The following BRIP1 variants were observed in gnomAD, a reference collection of about 807,000 sequenced individuals.
BRIP1 encodes the protein Fanconi anemia group J protein.
A neutral mutation model predicts 119.7 loss-of-function variants in BRIP1; 88 were observed. That is an observed-to-expected ratio of 0.74 (90% CI 0.62 to 0.88). The LOEUF is 0.88. Among genes scored for constraint, BRIP1 ranks in the 40% least tolerant of loss-of-function variants. BRIP1 has a pLI of 0.00. For missense variants in BRIP1, 1,259 were observed against 1,455.4 expected, an observed-to-expected ratio of 0.87 and a Z score of 2.20; for synonymous variants, 443 against 496.5, an observed-to-expected ratio of 0.89 and a Z score of 1.43.
Position 61,787,110 on chromosome 17 carries a change from TTAATATA to T in BRIP1, c.1474-2693_1474-2687del, listed in dbSNP as rs1395993086. On this transcript the variant is annotated intron_variant, in intron 10 of 19. Transcript: ENST00000259008. ...GCATGTTTATGTATTAATAAATATA[TTAATATA>T]TAATATATTATATACTATATAAAAT... Among the ~76,000 whole-genome samples the T allele has an allele frequency of 2.7e-5, 3 of 111,174 alleles. No individual in the cohort carries two copies. In the Admixed American group the frequency reaches 3.5e-4, roughly 13 times the overall value. The allele number at this position is 111,174 out of a possible 152,430, so 72.9% of individuals were successfully genotyped here. A position where few individuals can be genotyped will look rare whatever the true frequency, so the allele number is the denominator to read the frequency against.
At chr17:61,787,393 T>TATATTTATATAAAATATTTATATAAA (rs11274862) in intron 10 of BRIP1, among the ~76,000 whole-genome samples, 1 of 117,722 alleles carries the variant, frequency 8.5e-6, no homozygotes, top group African/African-American at 3.2e-5. Flanking sequence ...ATATATAGTA[T>TATATTTATATAAAATATTTATATAAA]ATATATTTAT....
Position 61,690,907 on chromosome 17 carries a change from G to A in BRIP1, c.2575+2523C>T, listed in dbSNP as rs1002304417. Among the ~76,000 whole-genome samples, 6 of 152,022 alleles carry A rather than the reference G, an allele frequency of 3.9e-5. No individual in the cohort carries two copies. Among genetic ancestry groups the A allele is most frequent in the Non-Finnish European group, 2.9e-5 (2 of 68,020 alleles). On this transcript the variant is annotated intron_variant, in intron 18 of 19. Transcript: ENST00000259008. The surrounding 1 kb of genome is among the most constrained non-coding windows in gnomAD (Gnocchi z 5.6). ...TATACACTAAAAACAACCAAAAGAG[G>A]AATGTAAGAAAACAATCCCATTTAT...
At chr17:61,791,233 G>A (rs1028899715) in intron 10 of BRIP1, among the ~76,000 whole-genome samples, 2 of 151,848 alleles carry the variant, frequency 1.3e-5, no homozygotes, top group Admixed American at 6.6e-5. Context: ...TCACACCTGT[G>A]AGCCCAGCAC....
At position 61,768,689 on chromosome 17, in the gene BRIP1, T is replaced by G. The variant is rs938840978; in HGVS notation, c.2097+7712A>C. 2.6e-5 allele frequency among the ~76,000 whole-genome samples: 4 copies of G among 152,180 alleles called. No individual in the cohort carries two copies. The highest frequency in any genetic ancestry group is 9.7e-5 in the African/African-American group (4 of 41,426). On this transcript the variant is annotated intron_variant, in intron 14 of 19. Transcript: ENST00000259008. This position sits in a 1 kb window ranked among gnomAD's most constrained non-coding sequence, Gnocchi z 5.0. ...AAAAAGTTTATGATAGCCCCTAAGA[T>G]TCCTACTCCCTATATACAACCTGCA...
Position 61,794,632 on chromosome 17 carries a change from C to T in BRIP1, c.1341-903G>A, listed in dbSNP as rs935500045. ...TGAAATAATATGTACAACAAACCCCCATAACATGTTTACCTGTATAACAAA... is the reference window on the plus strand; with the variant it reads ...TGAAATAATATGTACAACAAACCCCTATAACATGTTTACCTGTATAACAAA... On this transcript the variant is annotated intron_variant, in intron 9 of 19. Coordinates refer to ENST00000259008, the MANE Select transcript of BRIP1 (RefSeq NM_032043.3). This position sits in a 1 kb window ranked among gnomAD's most constrained non-coding sequence, Gnocchi z 4.3. 1.3e-5 allele frequency among the ~76,000 whole-genome samples: 2 copies of T among 150,542 alleles called. No homozygotes were observed. Among genetic ancestry groups the T allele is most frequent in the African/African-American group, 2.4e-5 (1 of 40,848 alleles).
In BRIP1 at chr17:61,759,818, G is replaced by C. The variant is rs1432130479; in HGVS notation, c.2098-15227C>G. 6.6e-6 allele frequency among the ~76,000 whole-genome samples: 1 copy of C among 151,310 alleles called. No homozygotes were observed. Among genetic ancestry groups the C allele is most frequent in the Non-Finnish European group, 1.5e-5 (1 of 67,848 alleles). On this transcript the variant is annotated intron_variant, in intron 14 of 19. Coordinates refer to ENST00000259008, the MANE Select transcript of BRIP1 (RefSeq NM_032043.3). This position sits in a 1 kb window ranked among gnomAD's most constrained non-coding sequence, Gnocchi z 4.9. ...ATGCTGACACAGAGACATGAAGTGA[G>C]TACATAGTATTGGAAAAATGGTGAC...
intron 17 of BRIP1, among the ~76,000 whole-genome samples, chr17:61,707,164 A>G (rs2061702411): frequency 6.6e-6 from 1 of 152,186 alleles, no homozygotes; most frequent in Admixed American, 6.5e-5. Flanking sequence ...AGTTTGGCTC[A>G]TGTAGAACTT....
At chr17:61,817,465 C>T (rs934571548) in intron 6 of BRIP1, among the ~76,000 whole-genome samples, 2 of 152,030 alleles carry the variant, frequency 1.3e-5, no homozygotes, top group African/African-American at 4.8e-5. Flanking sequence ...CACATATTAA[C>T]CAAAATGCTA....
chr17:61,786,860 C>T (rs2077720284), intron 10 of BRIP1, among the ~76,000 whole-genome samples: 2 of 113,648 alleles, frequency 1.8e-5, no homozygotes, highest in South Asian at 2.6e-4. Flanking sequence ...AATATATATT[C>T]ATATATGTAT....
rs1021571039 is a variant in BRIP1 at position 61,722,966 on chromosome 17, C to A, written c.2380-6903G>T. ...AAAAACTCCCAAACAAAAAACAAAA[C>A]CCTGAAATGAACTGTATATAAAGGT... On this transcript the variant is annotated intron_variant, in intron 16 of 19. Coordinates refer to ENST00000259008, the MANE Select transcript of BRIP1 (RefSeq NM_032043.3). This position sits in a 1 kb window ranked among gnomAD's most constrained non-coding sequence, Gnocchi z 4.6. Among the ~76,000 whole-genome samples the A allele has an allele frequency of 2.0e-5, 3 of 152,000 alleles. No homozygotes were observed. The highest frequency in any genetic ancestry group is 7.2e-5 in the African/African-American group (3 of 41,412).
In BRIP1 at chr17:61,687,302, C is replaced by T. The variant is rs1379421782; in HGVS notation, c.2576-1137G>A. ...ACTATATTTACCTCTTCATTTCAAC[C>T]TTTTTATAATCAAAGAAAGCCTTTT... On this transcript the variant is annotated intron_variant, in intron 18 of 19. Coordinates refer to ENST00000259008, the MANE Select transcript of BRIP1 (RefSeq NM_032043.3). The surrounding 1 kb of genome is among the most constrained non-coding windows in gnomAD (Gnocchi z 5.1). Among the ~76,000 whole-genome samples the T allele has an allele frequency of 6.6e-6, 1 of 152,016 alleles. No individual in the cohort carries two copies. Among genetic ancestry groups the T allele is most frequent in the Non-Finnish European group, 1.5e-5 (1 of 67,996 alleles).
intron 16 of BRIP1, among the ~76,000 whole-genome samples, chr17:61,718,893 T>C (rs966304888): frequency 6.6e-6 from 1 of 152,208 alleles, no homozygotes; most frequent in Non-Finnish European, 1.5e-5. Flanking sequence ...TCCTCCTTTA[T>C]ACTTTAAATA....
At chr17:61,836,024 G>A (rs1389163274) in intron 6 of BRIP1, among the ~76,000 whole-genome samples, 1 of 151,906 alleles carries the variant, frequency 6.6e-6, no homozygotes, top group Non-Finnish European at 1.5e-5. Flanking sequence ...AAGGGAGATG[G>A]GGTTAACATA....
In BRIP1 at chr17:61,720,591, G is replaced by T. The variant is rs2144454920; in HGVS notation, c.2380-4528C>A. On this transcript the variant is annotated intron_variant, in intron 16 of 19. Coordinates refer to ENST00000259008, the MANE Select transcript of BRIP1 (RefSeq NM_032043.3). The surrounding 1 kb of genome is among the most constrained non-coding windows in gnomAD (Gnocchi z 4.3). ...AATTGCCCACTGTTCTGAGTAGCAT[G>T]ATGACATCTCATGCTATATCCTGCT... Among the ~76,000 whole-genome samples the T allele has an allele frequency of 6.6e-6, 1 of 152,220 alleles. No individual in the cohort carries two copies. The highest frequency in any genetic ancestry group is 2.4e-5 in the African/African-American group (1 of 41,540).
At position 61,733,135 on chromosome 17, in the gene BRIP1, T is replaced by C. The variant is rs1352789592; in HGVS notation, c.2379+9878A>G. Among the ~76,000 whole-genome samples, 4 of 152,222 alleles carry C rather than the reference T, an allele frequency of 2.6e-5. No homozygotes were observed. The East Asian group carries it at 7.7e-4, about 29-fold the overall frequency. On this transcript the variant is annotated intron_variant, in intron 16 of 19. Transcript: ENST00000259008. ...CAGTCCTTTGCATTCCTGCCCTCAT[T>C]CATTTTCTCGTGAATATTCATATTG...
chr17:61,688,164 T>G (rs563392223), intron 18 of BRIP1, among the ~76,000 whole-genome samples: 22 of 152,294 alleles, frequency 1.4e-4, no homozygotes, highest in African/African-American at 4.8e-4. Flanking sequence ...ATACTCTGTA[T>G]GCCTGGAATC....
Position 61,683,244 on chromosome 17 carries a change from T to TTA in BRIP1, c.*51_*52insTA. 6.5e-7 allele frequency: 1 copy of TTA among 1,550,166 alleles called. No homozygotes were observed. The highest frequency in any genetic ancestry group is 8.8e-7 in the Non-Finnish European group (1 of 1,130,530). On this transcript the variant is annotated 3_prime_UTR_variant, in exon 20 of 20. Transcript: ENST00000259008. The surrounding 1 kb of genome is among the most constrained non-coding windows in gnomAD (Gnocchi z 4.7). ...TTACAAATTATTACTTACAACAGAG[T>TTA]TTAACATAAGCATGATGACATATTT...
chr17:61,857,096 G>T lies in BRIP1; in HGVS notation c.341C>A (p.Pro114Gln), dbSNP rs876658965. ...TSRHFNYPST[P>Q]PSERNGTSST... ...TGAAGTGCCATTTCTTTCAGAAGGT[G>T]GTGTGCTTGGATAGTTGAAATGACG... The change falls in exon 4 of 20, where the codon CCA (proline) becomes CAA (glutamine). Residue 114 changes from proline (P) to glutamine (Q), a missense_variant. This residue lies in a region of BRIP1 where 501 missense variants were observed against 544.0 expected (regional missense o/e 0.92). Transcript: ENST00000259008. The surrounding 1 kb of genome is among the most constrained non-coding windows in gnomAD (Gnocchi z 5.1). 1 of 1,614,072 alleles carries T rather than the reference G, an allele frequency of 6.2e-7. No homozygotes were observed. The highest frequency in any genetic ancestry group is 8.5e-7 in the Non-Finnish European group (1 of 1,179,974).
At chr17:61,859,963 T>C in intron 2 of BRIP1, 56 bp from the exon 3 acceptor site, 1 of 1,230,768 alleles carries the variant, frequency 8.1e-7, no homozygotes, top group Admixed American at 1.7e-5. Context: ...TAAAGGTCTC[T>C]CTCCATCTGA....
Sources: allele counts gnomAD v4.1 joint callset (sites outside exome capture counted in the v4.1 genomes callset), GRCh38; gene constraint gnomAD v4.1.1; regional missense constraint gnomAD v4.1.1; non-coding constraint Gnocchi (gnomAD v3.1); transcripts MANE v1.5; gene names NCBI Gene and HGNC (gene_info 2026-07-23, HGNC 2026-07-21).